Variants in ITPR1 observed in about 807,000 individuals in gnomAD.
ITPR1 encodes the protein inositol 1,4,5-trisphosphate-gated calcium channel ITPR1.
Under a neutral mutation model 318.4 loss-of-function variants are expected in ITPR1, and 96 were observed. That is an observed-to-expected ratio of 0.30 (90% CI 0.26 to 0.36). The LOEUF (loss-of-function observed/expected upper bound fraction) is 0.36. Ranked by LOEUF, ITPR1 falls within the 10% of genes least tolerant of loss-of-function variation. ITPR1 has a pLI of 1.00. For synonymous variants in ITPR1, 1,312 were observed against 1,289.9 expected (o/e 1.02, Z -0.37); for missense variants, 2,440 against 3,460.2 (o/e 0.71, Z 7.40).
At chr3:4,765,405 G>A (rs543764867) in intron 44 of ITPR1, among the ~76,000 whole-genome samples, 56 of 152,330 alleles carry the variant, frequency 3.7e-4, no homozygotes, top group African/African-American at 1.3e-3. Flanking sequence ...GGCTGGAGGA[G>A]TCAGAGTAGC....
At chr3:4,840,058 T>TTTTTTTTG (rs2051227332) in intron 61 of ITPR1, among the ~76,000 whole-genome samples, 4 of 134,142 alleles carry the variant, frequency 3.0e-5, no homozygotes, top group African/African-American at 5.7e-5. Flanking sequence ...TTTTTTTTTT[T>TTTTTTTTG]GAGGGGGCAG....
chr3:4,796,224 C>T (rs1186734781), intron 53 of ITPR1, among the ~76,000 whole-genome samples: 2 of 152,078 alleles, frequency 1.3e-5, no homozygotes, highest in Admixed American at 6.6e-5. Flanking sequence ...TTCTGTTTGA[C>T]CTTAAGTTAC....
In ITPR1 at chr3:4,649,834, G is replaced by A. The variant is rs1362910300; in HGVS notation, c.856-2289G>A. ...TGTGTCCTCACATGGCAGAAAGAGAGGGGACTTTCTGGGGTCTGTTTTATA... is the reference window on the plus strand; with the variant it reads ...TGTGTCCTCACATGGCAGAAAGAGAAGGGACTTTCTGGGGTCTGTTTTATA... On this transcript the variant is annotated intron_variant, in intron 10 of 61. Coordinates refer to ENST00000649015, the MANE Select transcript of ITPR1 (RefSeq NM_001378452.1). Among the ~76,000 whole-genome samples, 7 of 152,212 alleles carry A rather than the reference G, an allele frequency of 4.6e-5. 1 individual carries two copies. Among genetic ancestry groups the A allele is most frequent in the African/African-American group, 1.4e-4 (6 of 41,452 alleles).
intron 44 of ITPR1, among the ~76,000 whole-genome samples, chr3:4,739,228 A>G (rs141275854): frequency 1.0e-3 from 159 of 152,362 alleles, no homozygotes; most frequent in Middle Eastern, 0.01. Flanking sequence ...GGCTAAGACC[A>G]CAGTGTGGCA....
chr3:4,680,673 G>T lies in ITPR1; in HGVS notation c.3088G>T (p.Gly1030Trp). The part of the protein sequence containing the change: ...ETSSGNSSQE[G>W]PSNVPGALDF... ...ATCCTCCGGAAACAGCAGCCAAGAAGGGCCAAGTAATGTACCAGGTTAGTG... is the reference window on the plus strand; with the variant it reads ...ATCCTCCGGAAACAGCAGCCAAGAATGGCCAAGTAATGTACCAGGTTAGTG... Residue 1030 changes from glycine to tryptophan, a missense_variant, in exon 25 of 62, where the codon GGG becomes TGG. Gly to Trp is a radical substitution (Grantham distance 184). Coordinates refer to ENST00000649015, the MANE Select transcript of ITPR1 (RefSeq NM_001378452.1). 1 of 1,612,634 alleles carries T rather than the reference G, an allele frequency of 6.2e-7. No homozygotes were observed. The highest frequency in any genetic ancestry group is 8.5e-7 in the Non-Finnish European group (1 of 1,179,208).
At chr3:4,561,890 C>T (rs2086709648) in intron 4 of ITPR1, among the ~76,000 whole-genome samples, 1 of 152,078 alleles carries the variant, frequency 6.6e-6, no homozygotes, top group South Asian at 2.1e-4. Context: ...GGCTATTTTT[C>T]TTAGAGGAAT....
chr3:4,665,060 C>T (rs1175047647), intron 16 of ITPR1, 78 bp from the exon 17 acceptor site: 1 of 1,478,604 alleles, frequency 6.8e-7, no homozygotes, highest in East Asian at 2.3e-5. Context: ...CACCCTTGAG[C>T]TTGCATTACT....
chr3:4,647,579 G>A (rs942556979), intron 10 of ITPR1, among the ~76,000 whole-genome samples: 5 of 152,174 alleles, frequency 3.3e-5, no homozygotes, highest in Non-Finnish European at 7.3e-5. Flanking sequence ...GAGAGTTCTA[G>A]TTCTTCCATA....
intron 3 of ITPR1, among the ~76,000 whole-genome samples, chr3:4,518,678 G>A (rs304011): frequency 0.93 from 141,013 of 152,268 alleles, 65,427 homozygotes; most frequent in East Asian, 1. Context: ...TCATCTACTG[G>A]TTGAACTTGA....
In ITPR1 at chr3:4,702,967, G is replaced by C. The variant is rs377198226; in HGVS notation, c.4657+17G>C. 4 of 1,612,018 alleles carry C rather than the reference G, an allele frequency of 2.5e-6. No homozygotes were observed. The highest frequency in any genetic ancestry group is 3.4e-6 in the Non-Finnish European group (4 of 1,178,392). On this transcript the variant is annotated intron_variant, in intron 36 of 61. Coordinates refer to ENST00000649015, the MANE Select transcript of ITPR1 (RefSeq NM_001378452.1). ...CTGATGTAGGTAAGATACCAAGTCA[G>C]TTTGGATATACGTGATGAAAATGAA...
rs182073073 is a variant in ITPR1 at position 4,766,795 on chromosome 3, G to C, written c.5725+85G>C. The C allele has an allele frequency of 1.9e-4, 211 of 1,092,054 alleles. 2 individuals carry two copies. In the African/African-American group the frequency reaches 2.9e-3, roughly 15 times the overall value. 67.6% of individuals were successfully genotyped at this position (1,092,054 alleles called of 1,614,324 possible). ...CCTTCATTGTTTTCATTACTTCTGT[G>C]CTCTAAAATGCATTATGATGGGAGC... is the stretch of plus-strand genomic sequence containing the variant. On this transcript the variant is annotated intron_variant, in intron 45 of 61. Transcript: ENST00000649015.
At chr3:4,797,457 T>C (rs1182282483) in intron 53 of ITPR1, among the ~76,000 whole-genome samples, 1 of 152,140 alleles carries the variant, frequency 6.6e-6, no homozygotes, top group Non-Finnish European at 1.5e-5. Context: ...TGTGCTGATT[T>C]TGTGTGGTTC....
intron 40 of ITPR1, among the ~76,000 whole-genome samples, chr3:4,721,667 C>G (rs2042174038): frequency 6.6e-6 from 1 of 152,122 alleles, no homozygotes; most frequent in Admixed American, 6.5e-5. Flanking sequence ...ATCTACGGTA[C>G]AGTTACATTT....
At chr3:4,635,040 G>T (rs183426167) in intron 5 of ITPR1, among the ~76,000 whole-genome samples, 2 of 152,346 alleles carry the variant, frequency 1.3e-5, no homozygotes, top group East Asian at 3.9e-4. Flanking sequence ...ACCGTACCTG[G>T]CCTCTATCCT....
At chr3:4,778,820 C>A (rs1464607142) in intron 48 of ITPR1, among the ~76,000 whole-genome samples, 9 of 152,116 alleles carry the variant, frequency 5.9e-5, no homozygotes, top group Non-Finnish European at 8.8e-5. Context: ...AGAAATAAGA[C>A]CACTCTCACT....
intron 18 of ITPR1, among the ~76,000 whole-genome samples, chr3:4,667,913 G>C (rs2093985824): frequency 6.6e-6 from 1 of 152,110 alleles, no homozygotes; most frequent in African/African-American, 2.4e-5. Flanking sequence ...TTTAAAAAAT[G>C]TTCTTAATTT....
intron 4 of ITPR1, among the ~76,000 whole-genome samples, chr3:4,623,073 C>G (rs2092700213): frequency 6.6e-6 from 1 of 152,156 alleles, no homozygotes. Flanking sequence ...TTTTTGCTTT[C>G]TCACTTTGCT....
At chr3:4,834,309 G>A (rs1456954267) in intron 60 of ITPR1, among the ~76,000 whole-genome samples, 1 of 152,200 alleles carries the variant, frequency 6.6e-6, no homozygotes, top group African/African-American at 2.4e-5. Context: ...GGGGGTCCAG[G>A]ATGCAGTGAC....
intron 4 of ITPR1, among the ~76,000 whole-genome samples, chr3:4,591,075 G>T (rs775140128): frequency 2.0e-5 from 3 of 152,180 alleles, no homozygotes; most frequent in Admixed American, 6.5e-5. Context: ...TTTTATGGCT[G>T]CATAGTATTC....
Sources: gnomAD v4.1 joint callset for allele counts (sites outside exome capture counted in the v4.1 genomes callset) on GRCh38, gnomAD v4.1.1 for gene constraint, MANE v1.5 for transcripts, NCBI Gene and HGNC (gene_info 2026-07-23, HGNC 2026-07-21) for gene names.